STXBP6: variants seen among roughly 807,000 people sequenced by gnomAD.
The protein encoded by STXBP6 is syntaxin binding protein 6.
STXBP6 carries 21 observed loss-of-function variants against 26.9 expected under a neutral mutation model. The observed-to-expected ratio is 0.78, with a 90% CI of 0.55 to 1.12. The LOEUF is 1.12. STXBP6 is among the 50% of genes most tolerant of loss of function. The pLI is 0.00. For missense variants in STXBP6, 232 were observed against 257.9 expected (o/e 0.90, Z 0.69); for synonymous variants, 97 against 92.6 (o/e 1.05, Z -0.27).
chr14:24,950,255 C>CT (rs11450497), intron 2 of STXBP6, among the ~76,000 whole-genome samples: 110,822 of 152,004 alleles, frequency 0.73, 40,842 homozygotes, highest in African/African-American at 0.83. Context: ...TTGGTACCAC[C>CT]TTTGGAAATC....
At chr14:24,936,070 G>A (rs984937773) in intron 2 of STXBP6, among the ~76,000 whole-genome samples, 4 of 152,274 alleles carry the variant, frequency 2.6e-5, no homozygotes, top group Admixed American at 1.3e-4. Flanking sequence ...TTTGAACTTG[G>A]CTTATTTTTT....
chr14:24,826,706 T>G (rs1366649843), intron 4 of STXBP6, among the ~76,000 whole-genome samples: 1 of 152,086 alleles, frequency 6.6e-6, no homozygotes, highest in Non-Finnish European at 1.5e-5. Context: ...TGTTGGCTTC[T>G]AAAACACACT....
intron 2 of STXBP6, among the ~76,000 whole-genome samples, chr14:24,962,915 A>C (rs1353523141): frequency 7.2e-6 from 1 of 138,612 alleles, no homozygotes; most frequent in Non-Finnish European, 1.5e-5. Context: ...CAATAGATGA[A>C]TGATCAAATA....
chr14:25,009,365 G>A (rs2074979529), intron 1 of STXBP6, among the ~76,000 whole-genome samples: 1 of 152,028 alleles, frequency 6.6e-6, no homozygotes, highest in East Asian at 1.9e-4. Flanking sequence ...GATTACTTGG[G>A]TTCCTTGTTT....
At chr14:24,976,331 C>T (rs531994722) in intron 1 of STXBP6, among the ~76,000 whole-genome samples, 2 of 152,300 alleles carry the variant, frequency 1.3e-5, no homozygotes, top group South Asian at 4.1e-4. Context: ...AAAAAGAACA[C>T]CTTTCTAGTT....
chr14:24,956,110 G>A (rs955036978), intron 2 of STXBP6, among the ~76,000 whole-genome samples: 2 of 152,112 alleles, frequency 1.3e-5, no homozygotes, highest in African/African-American at 2.4e-5. Context: ...ATGGGAGACA[G>A]TTGGGTAATT....
chr14:25,013,576 C>T (rs2075081986), intron 1 of STXBP6, among the ~76,000 whole-genome samples: 1 of 151,514 alleles, frequency 6.6e-6, no homozygotes, highest in African/African-American at 2.4e-5. Context: ...AAAATTGAAA[C>T]AGAATTCAAT....
At chr14:24,860,817 T>A (rs2069511169) in intron 2 of STXBP6, among the ~76,000 whole-genome samples, 1 of 151,272 alleles carries the variant, frequency 6.6e-6, no homozygotes, top group African/African-American at 2.4e-5. Flanking sequence ...AAAAACAGAT[T>A]GCACCCCCAA....
intron 2 of STXBP6, among the ~76,000 whole-genome samples, chr14:24,862,306 G>T (rs116488778): frequency 2.6e-3 from 403 of 152,194 alleles, no homozygotes; most frequent in African/African-American, 9.4e-3. Context: ...CCTAAACCTG[G>T]ATGTTTTAAG....
chr14:25,027,170 T>C (rs1473185302), intron 1 of STXBP6, among the ~76,000 whole-genome samples: 3 of 152,222 alleles, frequency 2.0e-5, no homozygotes, highest in African/African-American at 4.8e-5. Flanking sequence ...AGTTTGTTTA[T>C]TGTGCTTTAT....
intron 2 of STXBP6, among the ~76,000 whole-genome samples, chr14:24,934,146 C>G (rs572531356): frequency 1.7e-4 from 26 of 152,228 alleles, no homozygotes; most frequent in African/African-American, 5.8e-4. Context: ...AATATTAAGA[C>G]ACATGATAGA....
chr14:24,924,746 C>G (rs903505229), intron 2 of STXBP6, among the ~76,000 whole-genome samples: 27 of 152,178 alleles, frequency 1.8e-4, no homozygotes, highest in African/African-American at 6.5e-4. Flanking sequence ...CCTGGGGGAA[C>G]TTGCAATCAG....
intron 2 of STXBP6, among the ~76,000 whole-genome samples, chr14:24,901,802 A>C (rs923412982): frequency 4.4e-5 from 4 of 91,572 alleles, no homozygotes; most frequent in Non-Finnish European, 7.4e-5. Flanking sequence ...GAACTTCAAG[A>C]ACAGGCATAA....
intron 2 of STXBP6, among the ~76,000 whole-genome samples, chr14:24,875,062 TG>T (rs1373074556): frequency 6.6e-6 from 1 of 152,220 alleles, no homozygotes; most frequent in Admixed American, 6.5e-5. Flanking sequence ...CCATTAGCAC[TG>T]ACTGCAGCTA....
intron 1 of STXBP6, among the ~76,000 whole-genome samples, chr14:25,027,175 C>T (rs1269511998): frequency 6.6e-6 from 1 of 152,124 alleles, no homozygotes; most frequent in Non-Finnish European, 1.5e-5. Context: ...GTTTATTGTG[C>T]TTTATTGCAC....
intron 2 of STXBP6, among the ~76,000 whole-genome samples, chr14:24,870,189 T>G (rs2069876633): frequency 6.6e-6 from 1 of 152,166 alleles, no homozygotes; most frequent in Admixed American, 6.5e-5. Flanking sequence ...GACTGGAATT[T>G]GAGGCAGAAA....
chr14:24,864,585 AC>A (rs2069654136), intron 2 of STXBP6, among the ~76,000 whole-genome samples: 1 of 152,136 alleles, frequency 6.6e-6, no homozygotes, highest in Non-Finnish European at 1.5e-5. Flanking sequence ...TGTCATGTGC[AC>A]ATGGATCTCC....
At chr14:24,929,493 AAAGT>A (rs1332773736) in intron 2 of STXBP6, among the ~76,000 whole-genome samples, 1 of 152,222 alleles carries the variant, frequency 6.6e-6, no homozygotes, top group East Asian at 1.9e-4. Flanking sequence ...GCAGAGATTT[AAAGT>A]AATAGTTTGC....
chr14:24,987,348 T>C (rs909111241), intron 1 of STXBP6, among the ~76,000 whole-genome samples: 15 of 152,170 alleles, frequency 9.9e-5, no homozygotes, highest in African/African-American at 3.4e-4. Context: ...TTGGGCAAAA[T>C]CCTACATCTT....
Sources: allele counts gnomAD v4.1 joint callset (sites outside exome capture counted in the v4.1 genomes callset), GRCh38; gene constraint gnomAD v4.1.1; transcripts MANE v1.5; gene names NCBI Gene and HGNC (gene_info 2026-07-23, HGNC 2026-07-21).